VSTM5: variants seen among roughly 807,000 people sequenced by gnomAD.
The protein encoded by VSTM5 is V-set and transmembrane domain containing 5.
Under a neutral mutation model 20.3 loss-of-function variants are expected in VSTM5, and 21 were observed. The observed-to-expected ratio is 1.03, with a 90% CI of 0.73 to 1.49. VSTM5 has a LOEUF of 1.49. Ranked by LOEUF, VSTM5 falls within the 40% of genes most tolerant of loss-of-function variation. The pLI is 0.00. For synonymous variants in VSTM5, 100 were observed against 102.5 expected (o/e 0.98, Z 0.14); for missense variants, 219 against 250.0 (o/e 0.88, Z 0.84).
intron 1 of VSTM5, among the ~76,000 whole-genome samples, chr11:93,847,074 C>T (rs1369627783): frequency 6.6e-6 from 1 of 152,086 alleles, no homozygotes; most frequent in Non-Finnish European, 1.5e-5. Flanking sequence ...CCCATGATTG[C>T]ATTTTTTAAA....
At chr11:93,848,874 T>C (rs1274034559) in intron 1 of VSTM5, among the ~76,000 whole-genome samples, 1 of 152,136 alleles carries the variant, frequency 6.6e-6, no homozygotes, top group African/African-American at 2.4e-5. Context: ...TGTGTAAGTA[T>C]GGTGATTAGA....
At position 93,820,878 on chromosome 11, in the gene VSTM5, G is replaced by C. The variant is rs1393088774; in HGVS notation, c.424C>G (p.Leu142Val). The stretch of plus-strand genomic sequence containing the variant: ...GCGACAAAGTGCAGGTCTTCATAGA[G>C]GATCTCTATGGAGTGAGGGTGAGGG... Reference protein sequence around the residue: ...GTIVLHVSEILYEDLHFVAVI... With the variant: ...GTIVLHVSEIVYEDLHFVAVI... The change falls in exon 3 of 4, where the codon CTC (leucine) becomes GTC (valine). Residue 142 changes from leucine (L) to valine (V), a missense_variant. Transcript: ENST00000409977. 6.4e-7 allele frequency: 1 copy of C among 1,550,672 alleles called. No individual in the cohort carries two copies. The highest frequency in any genetic ancestry group is 8.7e-7 in the Non-Finnish European group (1 of 1,146,992).
rs1944184663 is a variant in VSTM5, at chr11:93,821,343, A to G, written c.92-20T>C. 6.5e-7 allele frequency: 1 copy of G among 1,541,488 alleles called. No homozygotes were observed. The highest frequency in any genetic ancestry group is 1.4e-5 in the African/African-American group (1 of 72,864). ...CCTGACCTGCAGGATGATATGCTGGATGTTGGGCACATATATATGGCTTTA... is the reference window on the plus strand; with the variant it reads ...CCTGACCTGCAGGATGATATGCTGGGTGTTGGGCACATATATATGGCTTTA... On this transcript the variant is annotated intron_variant, in intron 1 of 3. Transcript: ENST00000409977.
chr11:93,823,953 G>A (rs546623735), intron 1 of VSTM5, among the ~76,000 whole-genome samples: 10 of 151,904 alleles, frequency 6.6e-5, no homozygotes, highest in African/African-American at 2.2e-4. Context: ...TGTCACCCAG[G>A]CTGGAGTGCA....
chr11:93,834,598 ACATGT>A (rs146754090), intron 1 of VSTM5, among the ~76,000 whole-genome samples: 148,510 of 151,922 alleles, frequency 0.98, 72,638 homozygotes, highest in East Asian at 0.99. Flanking sequence ...CCAACATGGC[ACATGT>A]AAAGTCCGGG....
intron 1 of VSTM5, among the ~76,000 whole-genome samples, chr11:93,849,086 A>G (rs1371797058): frequency 7.2e-5 from 11 of 152,096 alleles, no homozygotes; most frequent in Non-Finnish European, 1.5e-4. Flanking sequence ...CAAAAATGTT[A>G]GATCGTTCAG....
intron 1 of VSTM5, among the ~76,000 whole-genome samples, chr11:93,848,891 T>C (rs1944435093): frequency 6.6e-6 from 1 of 152,034 alleles, no homozygotes; most frequent in African/African-American, 2.4e-5. Context: ...TAGAAACAAG[T>C]GATAAAGGTT....
rs921328528 is a variant in VSTM5 at position 93,818,897 on chromosome 11, A to T, written c.*1672T>A. 6.6e-6 allele frequency: 1 copy of T among 152,246 alleles called. No homozygotes were observed. The highest frequency in any genetic ancestry group is 2.4e-5 in the African/African-American group (1 of 41,434). The allele number at this position is 152,246 out of a possible 1,614,324, so 9.4% of individuals were successfully genotyped here. ...AGTGTGTGAGTTTACCCGTGTGTCT[A>T]CAGGAGGCGCCTTGAGGGTATCTTC... On this transcript the variant is annotated 3_prime_UTR_variant, in exon 4 of 4. Coordinates refer to ENST00000409977, the MANE Select transcript of VSTM5 (RefSeq NM_001144871.2).
intron 1 of VSTM5, 142 bp from the exon 2 acceptor site, chr11:93,821,465 G>A: frequency 1.3e-6 from 1 of 797,524 alleles, no homozygotes; most frequent in Non-Finnish European, 1.9e-6. Context: ...TGGTGCTTAA[G>A]CGATAATGCT....
chr11:93,822,404 G>A (rs1313259689), intron 1 of VSTM5, among the ~76,000 whole-genome samples: 1 of 150,334 alleles, frequency 6.7e-6, no homozygotes, highest in Non-Finnish European at 1.5e-5. Context: ...TTTTTACAAA[G>A]GCACACCAAC....
At chr11:93,825,223 A>G (rs750779328) in intron 1 of VSTM5, among the ~76,000 whole-genome samples, 5 of 152,164 alleles carry the variant, frequency 3.3e-5, no homozygotes, top group Admixed American at 3.3e-4. Flanking sequence ...GCTGGAGTGC[A>G]GTGGTGCAAT....
At chr11:93,832,715 T>C (rs949119835) in intron 1 of VSTM5, among the ~76,000 whole-genome samples, 4 of 152,250 alleles carry the variant, frequency 2.6e-5, no homozygotes, top group Non-Finnish European at 4.4e-5. Flanking sequence ...TAAAGCACTA[T>C]GCTTTTCCCT....
In VSTM5 at chr11:93,820,024, C is replaced by T. The variant is rs1201774749; in HGVS notation, c.*545G>A. 1.3e-5 allele frequency: 2 copies of T among 159,956 alleles called. No homozygotes were observed. The highest frequency in any genetic ancestry group is 2.7e-5 in the Non-Finnish European group (2 of 73,286). 9.9% of individuals were successfully genotyped at this position (159,956 alleles called of 1,614,324 possible). A position where few individuals can be genotyped will look rare whatever the true frequency, so the allele number is the denominator to read the frequency against. On this transcript the variant is annotated 3_prime_UTR_variant, in exon 4 of 4. Transcript: ENST00000409977. ...AACCCCCACCCCCAGTCTCTTTCCACCTCTGCTCTGAGGCAGCAGATTGTC... is the reference window on the plus strand; with the variant it reads ...AACCCCCACCCCCAGTCTCTTTCCATCTCTGCTCTGAGGCAGCAGATTGTC...
intron 1 of VSTM5, among the ~76,000 whole-genome samples, chr11:93,830,044 C>T (rs553584381): frequency 2.0e-5 from 3 of 152,066 alleles, no homozygotes; most frequent in Admixed American, 6.6e-5. Flanking sequence ...AAAACTAGGA[C>T]GACCCAGGAA....
intron 1 of VSTM5, among the ~76,000 whole-genome samples, chr11:93,822,920 A>G (rs1366080690): frequency 6.6e-6 from 1 of 152,194 alleles, no homozygotes; most frequent in Non-Finnish European, 1.5e-5. Context: ...ACTAGTGACG[A>G]ATCTATATTA....
chr11:93,825,962 C>A (rs1256785870), intron 1 of VSTM5, among the ~76,000 whole-genome samples: 6 of 151,796 alleles, frequency 4.0e-5, no homozygotes, highest in African/African-American at 1.5e-4. Context: ...AAAGGCCAGG[C>A]TCAGTGGCTC....
chr11:93,847,432 T>C (rs1159501454), intron 1 of VSTM5, among the ~76,000 whole-genome samples: 1 of 152,176 alleles, frequency 6.6e-6, no homozygotes, highest in Non-Finnish European at 1.5e-5. Context: ...CATCCCTGGG[T>C]CTGTCCACTC....
In VSTM5 at chr11:93,820,835, A is replaced by C; in HGVS notation, c.467T>G (p.Leu156Arg). Reference protein sequence around the residue: ...LHFVAVILAFLAAVAAVLISL... With the variant: ...LHFVAVILAFRAAVAAVLISL... ...GATTAATACTGCGGCCACAGCAGCG[A>C]GAAAAGCAAGGATGACAGCGACAAA... The change falls in exon 3 of 4, where the codon CTC (leucine) becomes CGC (arginine). Residue 156 changes from leucine (L) to arginine (R), a missense_variant. Coordinates refer to ENST00000409977, the MANE Select transcript of VSTM5 (RefSeq NM_001144871.2). 1 of 1,550,926 alleles carries C rather than the reference A, an allele frequency of 6.4e-7. No homozygotes were observed. Among genetic ancestry groups the C allele is most frequent in the Non-Finnish European group, 8.7e-7 (1 of 1,147,004 alleles).
In VSTM5 at chr11:93,818,778, C is replaced by G. The variant is rs1462157943; in HGVS notation, c.*1791G>C. The G allele has an allele frequency of 2.6e-5, 4 of 152,208 alleles. No individual in the cohort carries two copies. The allele number at this position is 152,208 out of a possible 1,614,324, so 9.4% of individuals were successfully genotyped here. On this transcript the variant is annotated 3_prime_UTR_variant, in exon 4 of 4. Transcript: ENST00000409977. ...AGAAATCAGCAGATTATCCTTGAGCCCCTTGGATACTGCTCACCTCGTTTC... is the reference window on the plus strand; with the variant it reads ...AGAAATCAGCAGATTATCCTTGAGCGCCTTGGATACTGCTCACCTCGTTTC...
Sources: allele counts gnomAD v4.1 joint callset (sites outside exome capture counted in the v4.1 genomes callset), GRCh38; gene constraint gnomAD v4.1.1; transcripts MANE v1.5; gene names NCBI Gene and HGNC (gene_info 2026-07-23, HGNC 2026-07-21).